The following NKAIN3 variants were observed in gnomAD, a reference collection of about 807,000 sequenced individuals.
NKAIN3 encodes sodium/potassium-transporting ATPase subunit beta-1-interacting protein 3.
In NKAIN3, 25 loss-of-function variants were observed where a neutral mutation model predicts 30.2. The observed-to-expected ratio is 0.83, with a 90% CI of 0.60 to 1.16. The LOEUF (loss-of-function observed/expected upper bound fraction) is 1.16. Ranked by LOEUF, NKAIN3 falls within the 50% of genes most tolerant of loss-of-function variation. The pLI, the probability that NKAIN3 is intolerant of heterozygous loss-of-function variation, is 0.00. For missense variants in NKAIN3, 225 were observed against 254.1 expected, an observed-to-expected ratio of 0.89 and a Z score of 0.78; for synonymous variants, 91 against 89.6, an observed-to-expected ratio of 1.02 and a Z score of -0.09.
chr8:62,475,054 G>T (rs571827643), intron 1 of NKAIN3, among the ~76,000 whole-genome samples: 83 of 152,178 alleles, frequency 5.5e-4, no homozygotes, highest in African/African-American at 2.0e-3. Context: ...AGATACTAAA[G>T]CCTACTCATT....
intron 4 of NKAIN3, among the ~76,000 whole-genome samples, chr8:62,765,625 A>G (rs1816813620): frequency 6.6e-6 from 1 of 152,210 alleles, no homozygotes; most frequent in South Asian, 2.1e-4. Context: ...TTATATAAGA[A>G]GTTAATTACA....
intron 3 of NKAIN3, among the ~76,000 whole-genome samples, chr8:62,729,040 C>CAAACA (rs1815374023): frequency 4.9e-5 from 3 of 61,198 alleles, no homozygotes; most frequent in Admixed American, 2.2e-4. Flanking sequence ...AAAAAAAAAA[C>CAAACA]AAAAAAAAAA....
chr8:62,608,389 C>G (rs1202766039), intron 3 of NKAIN3, among the ~76,000 whole-genome samples: 1 of 152,006 alleles, frequency 6.6e-6, no homozygotes, highest in African/African-American at 2.4e-5. Context: ...CTGGTTTTGC[C>G]CAAATGTTTG....
intron 4 of NKAIN3, among the ~76,000 whole-genome samples, chr8:62,786,847 C>G (rs1209098043): frequency 6.6e-6 from 1 of 152,168 alleles, no homozygotes; most frequent in Non-Finnish European, 1.5e-5. Context: ...GTGCTTGGCA[C>G]ATGTGAACAG....
intron 1 of NKAIN3, among the ~76,000 whole-genome samples, chr8:62,539,256 A>C (rs1808765411): frequency 6.6e-6 from 1 of 152,254 alleles, no homozygotes; most frequent in African/African-American, 2.4e-5. Flanking sequence ...ATTTCTTGAA[A>C]GATAACTCAG....
intron 4 of NKAIN3, among the ~76,000 whole-genome samples, chr8:62,829,753 T>TAGATAGAC (rs1378542832): frequency 6.6e-6 from 1 of 151,916 alleles, no homozygotes; most frequent in Non-Finnish European, 1.5e-5. Flanking sequence ...GATAGATAGA[T>TAGATAGAC]AGATAGATAG....
At chr8:62,529,056 A>G (rs1443208619) in intron 1 of NKAIN3, among the ~76,000 whole-genome samples, 1 of 152,138 alleles carries the variant, frequency 6.6e-6, no homozygotes, top group African/African-American at 2.4e-5. Flanking sequence ...GCAGCTCTCA[A>G]TCTTTTTCTT....
intron 1 of NKAIN3, among the ~76,000 whole-genome samples, chr8:62,575,836 G>C (rs1810092423): frequency 6.6e-6 from 1 of 151,994 alleles, no homozygotes; most frequent in Non-Finnish European, 1.5e-5. Flanking sequence ...CGAATTTTTT[G>C]ACAAAGATGC....
At chr8:62,441,539 T>G (rs1003501609) in intron 1 of NKAIN3, among the ~76,000 whole-genome samples, 1 of 151,948 alleles carries the variant, frequency 6.6e-6, no homozygotes, top group Non-Finnish European at 1.5e-5. Context: ...AATATTATCT[T>G]ATTTTTAATT....
intron 3 of NKAIN3, among the ~76,000 whole-genome samples, chr8:62,590,419 C>T (rs899964892): frequency 6.6e-6 from 1 of 151,770 alleles, no homozygotes; most frequent in Non-Finnish European, 1.5e-5. Flanking sequence ...TTTATTATGC[C>T]TCCTGCAAAA....
chr8:62,790,092 C>T (rs894367789), intron 4 of NKAIN3, among the ~76,000 whole-genome samples: 3 of 152,162 alleles, frequency 2.0e-5, no homozygotes, highest in Admixed American at 6.6e-5. Flanking sequence ...AATCCAGCAA[C>T]GCAGCAAAAA....
chr8:62,292,797 G>A (rs931749940), intron 1 of NKAIN3, among the ~76,000 whole-genome samples: 33 of 152,318 alleles, frequency 2.2e-4, no homozygotes, highest in Non-Finnish European at 4.0e-4. Flanking sequence ...CTAGGTTGGG[G>A]AAGTTGTGGA....
chr8:62,341,786 G>T (rs568767505), intron 1 of NKAIN3, among the ~76,000 whole-genome samples: 2 of 151,916 alleles, frequency 1.3e-5, no homozygotes, highest in Non-Finnish European at 2.9e-5. Flanking sequence ...GACAACATGA[G>T]ACCCATGAGG....
At chr8:62,411,741 G>A (rs375434253) in intron 1 of NKAIN3, among the ~76,000 whole-genome samples, 1 of 150,688 alleles carries the variant, frequency 6.6e-6, no homozygotes, top group Non-Finnish European at 1.5e-5. Flanking sequence ...ATAATCAGTA[G>A]CATTTCTATA....
At chr8:62,257,183 C>A (rs887184839) in intron 1 of NKAIN3, among the ~76,000 whole-genome samples, 5 of 152,092 alleles carry the variant, frequency 3.3e-5, no homozygotes, top group African/African-American at 1.2e-4. Context: ...TGTAATAGAT[C>A]TCAAACTAGA....
rs183250893 is a variant in NKAIN3, at chr8:62,466,993, G to T, written c.55-112546G>T. Among the ~76,000 whole-genome samples, 4 of 152,114 alleles carry T rather than the reference G, an allele frequency of 2.6e-5. No individual in the cohort carries two copies. In the East Asian group the frequency reaches 7.7e-4, roughly 29 times the overall value. On this transcript the variant is annotated intron_variant, in intron 1 of 6. Transcript: ENST00000623646. ...ATATCTTTCCATTGGGCTTAAATTC[G>T]AATCCATGGCCTAACAATGGGCTAC... is the stretch of plus-strand genomic sequence containing the variant.
At chr8:62,337,381 G>A (rs990026904) in intron 1 of NKAIN3, among the ~76,000 whole-genome samples, 3 of 151,716 alleles carry the variant, frequency 2.0e-5, no homozygotes, top group African/African-American at 7.3e-5. Context: ...TACCTTCGAG[G>A]AGCTTACATT....
intron 4 of NKAIN3, among the ~76,000 whole-genome samples, chr8:62,875,034 T>C (rs1042206074): frequency 6.6e-6 from 1 of 152,156 alleles, no homozygotes; most frequent in African/African-American, 2.4e-5. Flanking sequence ...GTTGTCTCTG[T>C]TTGCAGACAA....
chr8:62,698,495 C>G (rs1309952548), intron 3 of NKAIN3, among the ~76,000 whole-genome samples: 1 of 152,184 alleles, frequency 6.6e-6, no homozygotes, highest in African/African-American at 2.4e-5. Flanking sequence ...CACCCTCTCA[C>G]TTGCTCTAGA....
Sources: allele counts gnomAD v4.1 joint callset (sites outside exome capture counted in the v4.1 genomes callset), GRCh38; gene constraint gnomAD v4.1.1; transcripts MANE v1.5; gene names NCBI Gene and HGNC (gene_info 2026-07-23, HGNC 2026-07-21).